Variants in SLC25A21 observed in about 807,000 individuals in gnomAD.
The protein encoded by SLC25A21 is mitochondrial 2-oxodicarboxylate carrier.
In SLC25A21, 47 loss-of-function variants were observed where a neutral mutation model predicts 43.8. The ratio of observed to expected loss-of-function variants is 1.07; its 90% CI spans 0.85 to 1.37. The LOEUF (loss-of-function observed/expected upper bound fraction) is 1.37, where lower values mean the gene tolerates loss of function less well. Ranked by LOEUF, SLC25A21 falls within the 40% of genes most tolerant of loss-of-function variation. The probability of loss-of-function intolerance (pLI) is 0.00; values close to 1 mark genes in which losing one functional copy is unlikely to be tolerated. For missense variants in SLC25A21, 352 were observed against 350.2 expected (o/e 1.00, Z -0.04); for synonymous variants, 131 against 121.3 (o/e 1.08, Z -0.52).
chr14:37,091,442 A>T lies in SLC25A21; in HGVS notation c.70+80839T>A, dbSNP rs200196535. Among the ~76,000 whole-genome samples, 12 of 152,206 alleles carry T rather than the reference A, an allele frequency of 7.9e-5. No homozygotes were observed. The East Asian group carries it at 2.3e-3, about 29-fold the overall frequency. Reference sequence around the variant, plus strand: ...GAATGAGACTCAGTCTCAAAAAAAAAAAAAAGCAATAGACAACACTTCTGC... The same window carrying T: ...GAATGAGACTCAGTCTCAAAAAAAATAAAAAGCAATAGACAACACTTCTGC... On this transcript the variant is annotated intron_variant, in intron 1 of 9. Coordinates refer to ENST00000331299, the MANE Select transcript of SLC25A21 (RefSeq NM_030631.4).
chr14:36,732,528 G>A (rs1039604798), intron 4 of SLC25A21, among the ~76,000 whole-genome samples: 1 of 151,994 alleles, frequency 6.6e-6, no homozygotes, highest in African/African-American at 2.4e-5. Flanking sequence ...GCATCAGTAA[G>A]TCTTATTACT....
intron 2 of SLC25A21, among the ~76,000 whole-genome samples, chr14:36,836,260 G>A (rs1389431611): frequency 6.6e-6 from 1 of 152,204 alleles, no homozygotes; most frequent in African/African-American, 2.4e-5. Context: ...TAAGCAGCAG[G>A]TGGAGAAAAT....
chr14:36,729,206 A>G (rs368725484), intron 5 of SLC25A21, among the ~76,000 whole-genome samples: 1 of 152,366 alleles, frequency 6.6e-6, no homozygotes, highest in African/African-American at 2.4e-5. Context: ...GTATGTAAAT[A>G]CATGCATGTC....
intron 3 of SLC25A21, among the ~76,000 whole-genome samples, chr14:36,774,827 G>C (rs1167463298): frequency 6.6e-6 from 1 of 151,950 alleles, no homozygotes; most frequent in Non-Finnish European, 1.5e-5. Flanking sequence ...ATAAGGACTC[G>C]GATTTCTTAC....
chr14:36,810,095 A>T (rs1566635148), intron 3 of SLC25A21, among the ~76,000 whole-genome samples: 1 of 152,076 alleles, frequency 6.6e-6, no homozygotes, highest in Non-Finnish European at 1.5e-5. Context: ...TTTATTTTGT[A>T]TTTTAAAAAA....
chr14:37,055,529 C>G (rs1014729011), intron 1 of SLC25A21, among the ~76,000 whole-genome samples: 3 of 152,084 alleles, frequency 2.0e-5, no homozygotes, highest in African/African-American at 7.2e-5. Flanking sequence ...GACTTGGGAG[C>G]CTTACAGCTT....
rs533091082 is a variant in SLC25A21, at chr14:37,096,182, A to G, written c.70+76099T>C. 4.7e-4 allele frequency among the ~76,000 whole-genome samples: 72 copies of G among 152,298 alleles called. 1 individual carries two copies. The highest frequency in any genetic ancestry group is 2.7e-3 in the South Asian group (13 of 4,828). The stretch of plus-strand genomic sequence containing the variant: ...GTACAGAGAGGAAAAAAATACTATA[A>G]AGTGCATTATTGGATCAAACTTATA... On this transcript the variant is annotated intron_variant, in intron 1 of 9. Coordinates refer to ENST00000331299, the MANE Select transcript of SLC25A21 (RefSeq NM_030631.4).
intron 1 of SLC25A21, among the ~76,000 whole-genome samples, chr14:37,018,891 G>C (rs1338381541): frequency 6.6e-6 from 1 of 151,744 alleles, no homozygotes; most frequent in African/African-American, 2.4e-5. Context: ...TTATTTTCTT[G>C]CTTAGGTTTC....
chr14:36,833,584 G>GT (rs1889108556), intron 2 of SLC25A21, among the ~76,000 whole-genome samples: 1 of 152,218 alleles, frequency 6.6e-6, no homozygotes, highest in African/African-American at 2.4e-5. Flanking sequence ...TAGTTGATGT[G>GT]TATCTACTTA....
At chr14:36,841,995 T>C (rs1458536181) in intron 2 of SLC25A21, among the ~76,000 whole-genome samples, 1 of 152,196 alleles carries the variant, frequency 6.6e-6, no homozygotes, top group African/African-American at 2.4e-5. Flanking sequence ...CCCTTGCTTC[T>C]CTAAGTTCCA....
intron 3 of SLC25A21, among the ~76,000 whole-genome samples, chr14:36,812,659 G>GAGA (rs1490268740): frequency 6.6e-6 from 1 of 151,978 alleles, no homozygotes; most frequent in Non-Finnish European, 1.5e-5. Flanking sequence ...TGTTGTTAAA[G>GAGA]AGAATATACT....
chr14:36,887,183 A>C (rs2138577077), intron 1 of SLC25A21, among the ~76,000 whole-genome samples: 2 of 148,208 alleles, frequency 1.3e-5, no homozygotes, highest in South Asian at 4.3e-4. Context: ...AATATGTGAG[A>C]TATGTAATGC....
chr14:37,067,828 GTATAT>G lies in SLC25A21; in HGVS notation c.70+104448_70+104452del, dbSNP rs567834046. 1.1e-4 allele frequency among the ~76,000 whole-genome samples: 16 copies of G among 152,290 alleles called. No individual in the cohort carries two copies. In the South Asian group the frequency reaches 3.3e-3, roughly 32 times the overall value. On this transcript the variant is annotated intron_variant, in intron 1 of 9. Transcript: ENST00000331299. Reference sequence around the variant, plus strand: ...ATTTACTTATTTATGAAAATATTATGTATATTATAAAATGTGCACAAAAATAATTT... The same window carrying G: ...ATTTACTTATTTATGAAAATATTATGTATAAAATGTGCACAAAAATAATTT...
intron 3 of SLC25A21, among the ~76,000 whole-genome samples, chr14:36,738,294 T>C (rs1355388728): frequency 6.6e-6 from 1 of 152,218 alleles, no homozygotes; most frequent in African/African-American, 2.4e-5. Flanking sequence ...AAAGGAATTG[T>C]GATGTTTTAT....
chr14:37,056,275 G>A (rs1961824511), intron 1 of SLC25A21, among the ~76,000 whole-genome samples: 1 of 152,050 alleles, frequency 6.6e-6, no homozygotes, highest in Admixed American at 6.6e-5. Context: ...CGGATCATAA[G>A]GTCAGGAGAT....
chr14:36,860,169 C>A lies in SLC25A21; in HGVS notation c.119+14787G>T, dbSNP rs545094148. 2.0e-5 allele frequency among the ~76,000 whole-genome samples: 3 copies of A among 150,448 alleles called. No individual in the cohort carries two copies. In the South Asian group the frequency reaches 6.3e-4, roughly 32 times the overall value. On this transcript the variant is annotated intron_variant, in intron 2 of 9. Transcript: ENST00000331299. ...AAAAAGAGAGACACACGGGAGGCCACTGGAGATGGGGCAGCCAAAGAAGTT... is the reference window on the plus strand; with the variant it reads ...AAAAAGAGAGACACACGGGAGGCCAATGGAGATGGGGCAGCCAAAGAAGTT...
At chr14:37,019,047 C>G (rs755743184) in intron 1 of SLC25A21, among the ~76,000 whole-genome samples, 2 of 151,926 alleles carry the variant, frequency 1.3e-5, no homozygotes, top group African/African-American at 2.4e-5. Flanking sequence ...CTTGCCCCTC[C>G]AATCTATTCT....
At chr14:36,836,898 A>C (rs987090308) in intron 2 of SLC25A21, among the ~76,000 whole-genome samples, 1 of 152,160 alleles carries the variant, frequency 6.6e-6, no homozygotes, top group African/African-American at 2.4e-5. Flanking sequence ...GGAAAAACTG[A>C]AGGGGAAGAA....
At chr14:36,705,734 A>G (rs1402477336) in intron 7 of SLC25A21, among the ~76,000 whole-genome samples, 1 of 152,172 alleles carries the variant, frequency 6.6e-6, no homozygotes, top group Non-Finnish European at 1.5e-5. Context: ...TTTTTTTTAA[A>G]TTAAAGAAAA....
Sources: gnomAD v4.1 joint callset for allele counts (sites outside exome capture counted in the v4.1 genomes callset) on GRCh38, gnomAD v4.1.1 for gene constraint, MANE v1.5 for transcripts, NCBI Gene and HGNC (gene_info 2026-07-23, HGNC 2026-07-21) for gene names.